The following ASIC2 variants were observed in gnomAD, a reference collection of about 807,000 sequenced individuals.
The protein encoded by ASIC2 is acid-sensing ion channel 2.
ASIC2 carries 25 observed loss-of-function variants against 57.3 expected under a neutral mutation model. That is an observed-to-expected ratio of 0.44 (90% CI 0.32 to 0.61). ASIC2 has a LOEUF of 0.61. ASIC2 is among the 20% of genes least tolerant of loss of function. The pLI, the probability that ASIC2 is intolerant of heterozygous loss-of-function variation, is 0.06. For synonymous variants in ASIC2, 319 were observed against 307.5 expected (o/e 1.04, Z -0.39); for missense variants, 641 against 738.1 (o/e 0.87, Z 1.52).
chr17:33,604,117 G>A (rs1468189963), intron 1 of ASIC2, among the ~76,000 whole-genome samples: 1 of 152,162 alleles, frequency 6.6e-6, no homozygotes. Context: ...CCTGGCCCTG[G>A]AGGCTGTGTC....
intron 1 of ASIC2, chr17:34,038,094 G>A: frequency 6.2e-7 from 1 of 1,613,200 alleles, no homozygotes. Flanking sequence ...ATCTTCGAAA[G>A]ACCAAAATCT....
intron 1 of ASIC2, among the ~76,000 whole-genome samples, chr17:33,501,810 T>C (rs959128087): frequency 1.3e-5 from 2 of 152,216 alleles, no homozygotes; most frequent in African/African-American, 4.8e-5. Context: ...CCTCAGTACC[T>C]AAACTTGAAG....
intron 1 of ASIC2, among the ~76,000 whole-genome samples, chr17:33,774,994 C>A (rs1161804718): frequency 6.6e-6 from 1 of 152,154 alleles, no homozygotes; most frequent in Non-Finnish European, 1.5e-5. Flanking sequence ...GTAGTTTAAT[C>A]CAGGAGGACA....
chr17:33,239,531 A>G (rs1388322802), intron 1 of ASIC2, among the ~76,000 whole-genome samples: 1 of 152,208 alleles, frequency 6.6e-6, no homozygotes, highest in African/African-American at 2.4e-5. Context: ...GCTTTCTGCT[A>G]TACACTCTGA....
At chr17:33,678,056 A>G (rs1229227690) in intron 1 of ASIC2, among the ~76,000 whole-genome samples, 2 of 152,336 alleles carry the variant, frequency 1.3e-5, no homozygotes, top group East Asian at 1.9e-4. Flanking sequence ...AAATTGCCAC[A>G]GTCCCCCAGC....
intron 1 of ASIC2, among the ~76,000 whole-genome samples, chr17:33,623,211 C>T (rs993523361): frequency 2.6e-5 from 4 of 151,022 alleles, no homozygotes; most frequent in African/African-American, 9.8e-5. Flanking sequence ...TCTATCTGCT[C>T]ATCCAGGATA....
intron 1 of ASIC2, among the ~76,000 whole-genome samples, chr17:34,010,019 A>G (rs1294805479): frequency 6.6e-6 from 1 of 152,208 alleles, no homozygotes; most frequent in Non-Finnish European, 1.5e-5. Context: ...CCGCTGTAAC[A>G]GCAGCATCGA....
intron 1 of ASIC2, among the ~76,000 whole-genome samples, chr17:33,398,804 G>C (rs1038886416): frequency 6.6e-6 from 1 of 152,110 alleles, no homozygotes; most frequent in Non-Finnish European, 1.5e-5. Flanking sequence ...TGACTTGCCC[G>C]GGGCTACACA....
At chr17:34,097,332 G>C (rs954237561) in intron 1 of ASIC2, among the ~76,000 whole-genome samples, 1 of 152,082 alleles carries the variant, frequency 6.6e-6, no homozygotes, top group African/African-American at 2.4e-5. Flanking sequence ...AGGAAGAGTA[G>C]TTTGGGTTGG....
At chr17:33,879,293 A>G (rs1449514450) in intron 1 of ASIC2, among the ~76,000 whole-genome samples, 1 of 152,234 alleles carries the variant, frequency 6.6e-6, no homozygotes, top group Non-Finnish European at 1.5e-5. Context: ...AAATGCTCCA[A>G]TTAAAAGACA....
chr17:33,511,044 C>T (rs1272187347), intron 1 of ASIC2, among the ~76,000 whole-genome samples: 9 of 152,158 alleles, frequency 5.9e-5, no homozygotes, highest in Admixed American at 5.2e-4. Flanking sequence ...ATTAGTGTAG[C>T]GAACATGCTT....
At chr17:34,031,387 G>A (rs1437945654) in intron 1 of ASIC2, among the ~76,000 whole-genome samples, 1 of 152,056 alleles carries the variant, frequency 6.6e-6, no homozygotes, top group Non-Finnish European at 1.5e-5. Flanking sequence ...AAGACCAAAG[G>A]TAGATAAAAC....
rs781274951 is a variant in ASIC2, at chr17:33,555,192, CCT to C, written c.556-443127_556-443126del. Among the ~76,000 whole-genome samples the C allele has an allele frequency of 3.4e-4, 52 of 152,232 alleles. No homozygotes were observed. The Middle Eastern group carries it at 0.024, about 70-fold the overall frequency. On this transcript the variant is annotated intron_variant, in intron 1 of 9. Coordinates refer to the ASIC2 transcript ENST00000359872. ...TCCGTGGCTACCTAACCTACTATTCCCTGAGTTATGCCTGTAGTGCCCTCCTA... is the reference window on the plus strand; with the variant it reads ...TCCGTGGCTACCTAACCTACTATTCCGAGTTATGCCTGTAGTGCCCTCCTA...
chr17:33,465,987 G>T (rs1008347100), intron 1 of ASIC2, among the ~76,000 whole-genome samples: 1 of 152,188 alleles, frequency 6.6e-6, no homozygotes, highest in Non-Finnish European at 1.5e-5. Flanking sequence ...ACTTAGAAAA[G>T]AACTTCTTGA....
intron 1 of ASIC2, among the ~76,000 whole-genome samples, chr17:33,728,857 AGGGTCATGTTGT>A (rs1343412350): frequency 6.6e-6 from 1 of 152,148 alleles, no homozygotes; most frequent in Non-Finnish European, 1.5e-5. Context: ...GGAGCCAGGG[AGGGTCATGTTGT>A]GGGTGCATCC....
Position 33,558,808 on chromosome 17 carries a change from T to G in ASIC2, c.556-446741A>C, listed in dbSNP as rs1230845106. ...ACATGATCCTTACTGTTGTTGTTTT[T>G]TTTTTAGACGGAGTCTGGCTCAATC... On this transcript the variant is annotated intron_variant, in intron 1 of 9. Coordinates refer to the ASIC2 transcript ENST00000359872. 4.6e-5 allele frequency among the ~76,000 whole-genome samples: 7 copies of G among 152,326 alleles called. No individual in the cohort carries two copies. The East Asian group carries it at 1.4e-3, about 29-fold the overall frequency.
At chr17:33,521,168 C>T (rs1289380218) in intron 1 of ASIC2, among the ~76,000 whole-genome samples, 2 of 152,106 alleles carry the variant, frequency 1.3e-5, no homozygotes, top group Admixed American at 6.5e-5. Flanking sequence ...GCTGGGTCCA[C>T]ACAGCACTTT....
chr17:33,171,510 A>G (rs1905520079), intron 1 of ASIC2, among the ~76,000 whole-genome samples: 1 of 152,166 alleles, frequency 6.6e-6, no homozygotes, highest in Admixed American at 6.5e-5. Context: ...TCACCTCAAT[A>G]TAGCTCAATT....
At chr17:33,899,677 C>T (rs916417078) in intron 1 of ASIC2, among the ~76,000 whole-genome samples, 1 of 152,168 alleles carries the variant, frequency 6.6e-6, no homozygotes, top group South Asian at 2.1e-4. Context: ...ATGAGATACA[C>T]AAAGGGACCA....
Sources: gnomAD v4.1 joint callset for allele counts (sites outside exome capture counted in the v4.1 genomes callset) on GRCh38, gnomAD v4.1.1 for gene constraint, MANE v1.5 for transcripts, NCBI Gene and HGNC (gene_info 2026-07-23, HGNC 2026-07-21) for gene names.